Variants in MYO1D observed in about 807,000 individuals in gnomAD.
The protein encoded by MYO1D is unconventional myosin-Id.
A neutral mutation model predicts 122.0 loss-of-function variants in MYO1D; 83 were observed. That is an observed-to-expected ratio of 0.68 (90% CI 0.57 to 0.82). MYO1D has a LOEUF of 0.82. Ranked by LOEUF, MYO1D falls within the 40% of genes least tolerant of loss-of-function variation. The pLI, the probability that MYO1D is intolerant of heterozygous loss-of-function variation, is 0.00. For missense variants in MYO1D, 1,157 were observed against 1,269.5 expected, an observed-to-expected ratio of 0.91 and a Z score of 1.35; for synonymous variants, 464 against 446.9, an observed-to-expected ratio of 1.04 and a Z score of -0.48.
chr17:32,525,259 C>A (rs546520475), intron 21 of MYO1D, among the ~76,000 whole-genome samples: 2 of 152,366 alleles, frequency 1.3e-5, no homozygotes, highest in East Asian at 3.9e-4. Context: ...TCCTTCCCCA[C>A]GTGGATTTCT....
intron 14 of MYO1D, among the ~76,000 whole-genome samples, chr17:32,722,798 C>G (rs1392400608): frequency 6.6e-6 from 1 of 152,092 alleles, no homozygotes; most frequent in Non-Finnish European, 1.5e-5. Flanking sequence ...TCTGGCATAG[C>G]GCTTCAAAAA....
intron 14 of MYO1D, among the ~76,000 whole-genome samples, chr17:32,725,160 T>C (rs2089557070): frequency 6.6e-6 from 1 of 152,104 alleles, no homozygotes; most frequent in African/African-American, 2.4e-5. Flanking sequence ...AATGGAAACC[T>C]AGAACTGAAA....
At chr17:32,829,117 C>T (rs1292047985) in intron 1 of MYO1D, among the ~76,000 whole-genome samples, 1 of 152,138 alleles carries the variant, frequency 6.6e-6, no homozygotes, top group Non-Finnish European at 1.5e-5. Context: ...AAAACATTTG[C>T]TTTTAAGATG....
intron 21 of MYO1D, among the ~76,000 whole-genome samples, chr17:32,545,245 G>A (rs1046793846): frequency 6.6e-6 from 1 of 152,196 alleles, no homozygotes; most frequent in African/African-American, 2.4e-5. Flanking sequence ...GGCTTACACA[G>A]CCTCTCCAGG....
At chr17:32,674,908 T>TG (rs1439059222) in intron 16 of MYO1D, among the ~76,000 whole-genome samples, 4 of 152,216 alleles carry the variant, frequency 2.6e-5, no homozygotes, top group African/African-American at 9.6e-5. Flanking sequence ...AAGGGAATAA[T>TG]CTGGAAAAGG....
At chr17:32,768,321 A>G (rs1040809993) in intron 6 of MYO1D, among the ~76,000 whole-genome samples, 1 of 152,252 alleles carries the variant, frequency 6.6e-6, no homozygotes, top group Non-Finnish European at 1.5e-5. Flanking sequence ...CTCACTTGAT[A>G]CGCATTTCAC....
At chr17:32,856,956 T>C (rs1056217824) in intron 1 of MYO1D, among the ~76,000 whole-genome samples, 32 of 152,248 alleles carry the variant, frequency 2.1e-4, no homozygotes, top group African/African-American at 7.7e-4. Context: ...ATCATTGCTC[T>C]CTATTCCTTT....
intron 21 of MYO1D, among the ~76,000 whole-genome samples, chr17:32,580,819 G>A: frequency 6.6e-6 from 1 of 152,116 alleles, no homozygotes; most frequent in South Asian, 2.1e-4. Flanking sequence ...TGTTGGATTT[G>A]ATTAGTTATT....
chr17:32,809,628 A>G (rs187555474), intron 1 of MYO1D, among the ~76,000 whole-genome samples: 2 of 151,642 alleles, frequency 1.3e-5, no homozygotes, highest in Admixed American at 1.3e-4. Context: ...TGGTAGAGAC[A>G]GGGTTTTACC....
At chr17:32,543,854 A>G (rs1380477444) in intron 21 of MYO1D, among the ~76,000 whole-genome samples, 1 of 151,850 alleles carries the variant, frequency 6.6e-6, no homozygotes, top group Non-Finnish European at 1.5e-5. Flanking sequence ...TTGCAATGGC[A>G]TAGTCTCTGC....
intron 21 of MYO1D, among the ~76,000 whole-genome samples, chr17:32,591,084 G>A (rs1243530922): frequency 6.6e-6 from 1 of 152,352 alleles, no homozygotes; most frequent in Admixed American, 6.5e-5. Flanking sequence ...GTAAAGCTGA[G>A]GATGACTGTG....
chr17:32,698,349 CCTCT>C (rs1219417008), intron 16 of MYO1D, among the ~76,000 whole-genome samples: 1 of 123,808 alleles, frequency 8.1e-6, no homozygotes, highest in Non-Finnish European at 1.7e-5. Context: ...TTCCTCCCTC[CCTCT>C]CTTCCCCCCT....
intron 1 of MYO1D, among the ~76,000 whole-genome samples, chr17:32,840,859 T>C (rs1324945559): frequency 6.6e-6 from 1 of 152,210 alleles, no homozygotes; most frequent in Non-Finnish European, 1.5e-5. Context: ...CCCTAACTTA[T>C]GATGGTTTGA....
At chr17:32,731,214 A>AT (rs2089635494) in intron 14 of MYO1D, among the ~76,000 whole-genome samples, 1 of 152,006 alleles carries the variant, frequency 6.6e-6, no homozygotes, top group Non-Finnish European at 1.5e-5. Context: ...ATGTGTCTTA[A>AT]TGTTTCTTTT....
chr17:32,646,040 ACCTTTGG>A (rs901701623), intron 19 of MYO1D, among the ~76,000 whole-genome samples: 1 of 151,900 alleles, frequency 6.6e-6, no homozygotes, highest in African/African-American at 2.4e-5. Flanking sequence ...GGTTTTATCT[ACCTTTGG>A]TCTTTGATGA....
intron 21 of MYO1D, among the ~76,000 whole-genome samples, chr17:32,547,893 T>A (rs757354781): frequency 3.2e-4 from 49 of 151,498 alleles, no homozygotes; most frequent in Middle Eastern, 3.4e-3. Context: ...GAGGTTGCAG[T>A]GAGCTGAGAT....
chr17:32,741,267 T>C (rs2089769458), intron 13 of MYO1D, among the ~76,000 whole-genome samples: 1 of 147,216 alleles, frequency 6.8e-6, no homozygotes, highest in African/African-American at 2.5e-5. Flanking sequence ...TATATTAACA[T>C]ATACAAAGAA....
intron 21 of MYO1D, among the ~76,000 whole-genome samples, chr17:32,585,170 CAA>C (rs749379021): frequency 3.9e-5 from 6 of 152,040 alleles, no homozygotes; most frequent in South Asian, 2.1e-4. Flanking sequence ...TTTTTTCTGA[CAA>C]AGAGTTCTCT....
At chr17:32,836,573 A>G (rs115086183) in intron 1 of MYO1D, among the ~76,000 whole-genome samples, 2,217 of 152,242 alleles carry the variant, frequency 0.015, 46 homozygotes, top group African/African-American at 0.048. Context: ...ATCATTTAGT[A>G]TGTACTCTTT....
Sources: allele counts gnomAD v4.1 joint callset (sites outside exome capture counted in the v4.1 genomes callset), GRCh38; gene constraint gnomAD v4.1.1; transcripts MANE v1.5; gene names NCBI Gene and HGNC (gene_info 2026-07-23, HGNC 2026-07-21).